Variants in CNTN5 observed in about 807,000 individuals in gnomAD.
CNTN5 encodes the protein contactin-5.
Under a neutral mutation model 129.1 loss-of-function variants are expected in CNTN5, and 77 were observed. The observed-to-expected ratio is 0.60, with a 90% CI of 0.50 to 0.72. The LOEUF is 0.72. CNTN5 is among the 30% of genes least tolerant of loss of function. The probability of loss-of-function intolerance (pLI) is 0.00; values close to 1 mark genes in which losing one functional copy is unlikely to be tolerated. For synonymous variants in CNTN5, 509 were observed against 465.6 expected, an observed-to-expected ratio of 1.09 and a Z score of -1.20; for missense variants, 1,478 against 1,328.8, an observed-to-expected ratio of 1.11 and a Z score of -1.75.
At chr11:99,728,243 G>C (rs929764936) in intron 3 of CNTN5, among the ~76,000 whole-genome samples, 3 of 152,104 alleles carry the variant, frequency 2.0e-5, no homozygotes, top group Admixed American at 6.6e-5. Flanking sequence ...CATAGATATT[G>C]AGCAGGAAGA....
At chr11:99,087,116 A>G (rs1210341728) in intron 1 of CNTN5, among the ~76,000 whole-genome samples, 1 of 152,198 alleles carries the variant, frequency 6.6e-6, no homozygotes, top group Admixed American at 6.5e-5. Flanking sequence ...AGAGAAATTT[A>G]GTCCTGTGAA....
chr11:100,001,735 A>G lies in CNTN5; in HGVS notation c.878-299A>G, dbSNP rs535291273. 3.3e-5 allele frequency among the ~76,000 whole-genome samples: 5 copies of G among 152,326 alleles called. No homozygotes were observed. The South Asian group carries it at 1.0e-3, about 32-fold the overall frequency. ...ACTTTTCTTATTTAAAATGGGAAAT[A>G]GTCATAGTTTTTTTAGAACAATTAG... On this transcript the variant is annotated intron_variant, in intron 8 of 24. Coordinates refer to ENST00000524871, the MANE Select transcript of CNTN5 (RefSeq NM_014361.4).
chr11:99,225,170 T>G (rs2135712777), intron 1 of CNTN5, among the ~76,000 whole-genome samples: 1 of 152,134 alleles, frequency 6.6e-6, no homozygotes, highest in African/African-American at 2.4e-5. Flanking sequence ...ATGTATGGAT[T>G]AAGGAGATGA....
intron 9 of CNTN5, among the ~76,000 whole-genome samples, chr11:100,039,723 C>G (rs1014409693): frequency 2.0e-5 from 3 of 152,168 alleles, no homozygotes; most frequent in African/African-American, 7.2e-5. Flanking sequence ...TTCATTTTGT[C>G]TTCCATCACT....
Position 99,879,401 on chromosome 11 carries a change from G to GAT in CNTN5, c.577+34146_577+34147dup, listed in dbSNP as rs1948715415. ...AATTAATTTTTTCTTAGTTACTGAT[G>GAT]ATATATATCACCGGACCAGATAGTA... On this transcript the variant is annotated intron_variant, in intron 6 of 24. Coordinates refer to ENST00000524871, the MANE Select transcript of CNTN5 (RefSeq NM_014361.4). Among the ~76,000 whole-genome samples, 4 of 152,264 alleles carry GAT rather than the reference G, an allele frequency of 2.6e-5. No individual in the cohort carries two copies. In the South Asian group the frequency reaches 8.3e-4, roughly 32 times the overall value.
At chr11:99,608,888 T>C (rs542214042) in intron 3 of CNTN5, among the ~76,000 whole-genome samples, 6 of 152,332 alleles carry the variant, frequency 3.9e-5, no homozygotes, top group Admixed American at 3.9e-4. Flanking sequence ...GTGGCGATCA[T>C]AGAACTGTAG....
At chr11:99,343,187 A>T (rs1591547953) in intron 2 of CNTN5, among the ~76,000 whole-genome samples, 1 of 152,196 alleles carries the variant, frequency 6.6e-6, no homozygotes, top group East Asian at 1.9e-4. Context: ...CACCTGGGAA[A>T]TGATGAAAGA....
chr11:99,371,586 T>C (rs1306225286), intron 2 of CNTN5, among the ~76,000 whole-genome samples: 2 of 152,138 alleles, frequency 1.3e-5, no homozygotes, highest in Admixed American at 6.6e-5. Flanking sequence ...TTAAACGTAT[T>C]TGATGGAGTT....
chr11:99,572,710 A>C (rs538047040), intron 3 of CNTN5, among the ~76,000 whole-genome samples: 9 of 151,962 alleles, frequency 5.9e-5, no homozygotes, highest in African/African-American at 2.2e-4. Context: ...TCAGACTTTC[A>C]GAAATAGTTA....
intron 13 of CNTN5, among the ~76,000 whole-genome samples, chr11:100,158,050 A>G (rs1947316696): frequency 6.6e-6 from 1 of 151,810 alleles, no homozygotes; most frequent in Non-Finnish European, 1.5e-5. Context: ...GAAAAAAACA[A>G]AAGTGGCAAC....
chr11:99,277,909 A>G (rs1180547475), intron 1 of CNTN5, among the ~76,000 whole-genome samples: 1 of 151,742 alleles, frequency 6.6e-6, no homozygotes. Context: ...CGACACAACA[A>G]TGCAGAACTG....
At chr11:99,066,505 T>C (rs1318323472) in intron 1 of CNTN5, among the ~76,000 whole-genome samples, 1 of 152,176 alleles carries the variant, frequency 6.6e-6, no homozygotes, top group East Asian at 1.9e-4. Flanking sequence ...CAAATTTTTC[T>C]CTGTTAAATA....
intron 1 of CNTN5, among the ~76,000 whole-genome samples, chr11:99,253,637 CT>C (rs1226406568): frequency 2.6e-5 from 4 of 151,796 alleles, no homozygotes; most frequent in African/African-American, 9.7e-5. Flanking sequence ...CTTCCCACCC[CT>C]GAATATGATC....
intron 7 of CNTN5, among the ~76,000 whole-genome samples, chr11:99,936,888 C>T (rs1950327839): frequency 1.3e-5 from 2 of 152,050 alleles, no homozygotes; most frequent in Non-Finnish European, 2.9e-5. Flanking sequence ...ATATTAACCA[C>T]AGGCAAGGCA....
chr11:99,631,024 C>T (rs681894), intron 3 of CNTN5, among the ~76,000 whole-genome samples: 142,832 of 152,172 alleles, frequency 0.94, 67,562 homozygotes, highest in Non-Finnish European at 1. Flanking sequence ...TTTGTCCTGA[C>T]TAAAAACACA....
chr11:99,070,987 G>T (rs190819199), intron 1 of CNTN5, among the ~76,000 whole-genome samples: 3 of 151,984 alleles, frequency 2.0e-5, no homozygotes, highest in Non-Finnish European at 4.4e-5. Flanking sequence ...GTCTGTGACC[G>T]GTCCTGATAT....
intron 6 of CNTN5, among the ~76,000 whole-genome samples, chr11:99,887,316 T>C (rs1158338419): frequency 6.6e-6 from 1 of 152,202 alleles, no homozygotes; most frequent in African/African-American, 2.4e-5. Flanking sequence ...GATGGTAATT[T>C]TTTGTAAATG....
At chr11:99,600,817 A>G (rs1208031384) in intron 3 of CNTN5, among the ~76,000 whole-genome samples, 4 of 152,212 alleles carry the variant, frequency 2.6e-5, no homozygotes, top group Admixed American at 2.0e-4. Flanking sequence ...CATGGAAATG[A>G]AAAATAAATA....
chr11:99,278,411 A>C (rs1863546633), intron 1 of CNTN5, among the ~76,000 whole-genome samples: 1 of 151,660 alleles, frequency 6.6e-6, no homozygotes, highest in South Asian at 2.1e-4. Context: ...TTTCTCACTG[A>C]AGCACATTTC....
Sources: gnomAD v4.1 joint callset for allele counts (sites outside exome capture counted in the v4.1 genomes callset) on GRCh38, gnomAD v4.1.1 for gene constraint, MANE v1.5 for transcripts, NCBI Gene and HGNC (gene_info 2026-07-23, HGNC 2026-07-21) for gene names.